Variants in PGBD5 observed in about 807,000 individuals in gnomAD.
PGBD5 encodes piggyBac transposable element-derived protein 5.
A neutral mutation model predicts 47.9 loss-of-function variants in PGBD5; 14 were observed. The ratio of observed to expected loss-of-function variants is 0.29; its 90% CI spans 0.19 to 0.46. The LOEUF is 0.46. Ranked by LOEUF, PGBD5 falls within the 20% of genes least tolerant of loss-of-function variation. PGBD5 has a pLI of 1.00. For missense variants in PGBD5, 635 were observed against 716.0 expected (o/e 0.89, Z 1.29); for synonymous variants, 316 against 306.3 (o/e 1.03, Z -0.33).
chr1:230,412,321 A>T (rs1022774628), intron 1 of PGBD5, among the ~76,000 whole-genome samples: 3 of 152,160 alleles, frequency 2.0e-5, no homozygotes, highest in Admixed American at 2.0e-4. Flanking sequence ...GAGTGATATT[A>T]AGAAAATCAT....
At chr1:230,391,735 C>T (rs1571854451) in intron 1 of PGBD5, among the ~76,000 whole-genome samples, 1 of 152,300 alleles carries the variant, frequency 6.6e-6, no homozygotes, top group African/African-American at 2.4e-5. Context: ...TATGCTATTT[C>T]CAGAAAAATA....
chr1:230,393,446 G>A (rs1020273295), intron 1 of PGBD5, among the ~76,000 whole-genome samples: 1 of 152,098 alleles, frequency 6.6e-6, no homozygotes, highest in Non-Finnish European at 1.5e-5. Context: ...TTAAGGAGGT[G>A]ACTCACAGAT....
chr1:230,399,123 G>C (rs1260889868), intron 1 of PGBD5, among the ~76,000 whole-genome samples: 1 of 152,048 alleles, frequency 6.6e-6, no homozygotes, highest in Non-Finnish European at 1.5e-5. Flanking sequence ...ACAGGAGCCT[G>C]AGTTGGCAAA....
chr1:230,388,903 G>A (rs1289442201), intron 1 of PGBD5, among the ~76,000 whole-genome samples: 1 of 152,146 alleles, frequency 6.6e-6, no homozygotes, highest in African/African-American at 2.4e-5. Flanking sequence ...GGAAAGGAGG[G>A]GCCTCCTGGG....
Position 230,325,412 on chromosome 1 carries a change from A to T in PGBD5, c.1277T>A (p.Val426Asp). 1 of 1,611,652 alleles carries T rather than the reference A, an allele frequency of 6.2e-7. No homozygotes were observed. Among genetic ancestry groups the T allele is most frequent in the Non-Finnish European group, 8.5e-7 (1 of 1,178,648 alleles). ...CTCCCCACTCTTCCTTTTGATGATG[A>T]CTCCTGAAGGCGAGAGACAAGATAA... Reference protein sequence around the residue: ...TNAYSPVQQGVIIKRKSGEIP... With the variant: ...TNAYSPVQQGDIIKRKSGEIP... Residue 426 changes from valine (V) to aspartate (D), a missense_variant, in exon 6 of 7, where the codon GTC becomes GAC. Coordinates refer to ENST00000391860, the MANE Select transcript of PGBD5 (RefSeq NM_001258311.2).
rs917138071 is a variant in PGBD5, at chr1:230,332,967, G to A, written c.1150C>T (p.Pro384Ser). The change falls in exon 5 of 7, where the codon CCA becomes TCA. Residue 384 changes from proline to serine, a missense_variant. By Grantham distance (74) the Pro-to-Ser change is moderately conservative. Transcript: ENST00000391860. ...TGGCCCCGGGCCGGGGGTGTGGCTG[G>A]GTTGGTCAGCATGGACAGTGGGAGG... ...TGLPLSMLTN[P>S]ATPPARGQYQ... 1 of 1,614,062 alleles carries A rather than the reference G, an allele frequency of 6.2e-7. No individual in the cohort carries two copies. Among genetic ancestry groups the A allele is most frequent in the Non-Finnish European group, 8.5e-7 (1 of 1,179,932 alleles).
At chr1:230,415,687 A>T (rs1657497411) in intron 1 of PGBD5, among the ~76,000 whole-genome samples, 1 of 152,166 alleles carries the variant, frequency 6.6e-6, no homozygotes, top group South Asian at 2.1e-4. Flanking sequence ...CACTGTTCAG[A>T]AACCAGGCAG....
At position 230,415,667 on chromosome 1, in the gene PGBD5, G is replaced by C. The variant is rs911716; in HGVS notation, c.331+9931C>G. ...ATGACAGACCTCAGTGAGAACGTCT[G>C]CTTACGTTGCACTGTTCAGAAACCA... On this transcript the variant is annotated intron_variant, in intron 1 of 6. Transcript: ENST00000391860. Among the ~76,000 whole-genome samples the C allele has an allele frequency of 7.4e-3, 1,133 of 152,308 alleles. 15 individuals carry two copies. Among genetic ancestry groups the C allele is most frequent in the African/African-American group, 0.026 (1,079 of 41,572 alleles).
chr1:230,331,897 T>C (rs12116691), intron 5 of PGBD5, among the ~76,000 whole-genome samples: 59,851 of 151,370 alleles, frequency 0.4, 12,973 homozygotes, highest in Non-Finnish European at 0.47. Flanking sequence ...TGGGGTCCCT[T>C]GATCGCAATC....
chr1:230,404,838 T>C (rs1657261062), intron 1 of PGBD5, among the ~76,000 whole-genome samples: 2 of 149,662 alleles, frequency 1.3e-5, no homozygotes, highest in South Asian at 2.1e-4. Flanking sequence ...GGCAGGAAAA[T>C]TGCTTGAACC....
At chr1:230,343,135 C>T (rs760254563) in intron 3 of PGBD5, among the ~76,000 whole-genome samples, 1 of 152,186 alleles carries the variant, frequency 6.6e-6, no homozygotes, top group Non-Finnish European at 1.5e-5. Flanking sequence ...CATGACCATG[C>T]CCAGGAAGAG....
chr1:230,337,217 G>A lies in PGBD5; in HGVS notation c.966C>T (p.His322=), dbSNP rs1184334027. Residue 322 remains histidine (H), a synonymous_variant, in exon 4 of 7, where the codon CAC becomes CAT. Coordinates refer to ENST00000391860, the MANE Select transcript of PGBD5 (RefSeq NM_001258311.2). ...LDALKNKPQL[H]SMVARSLCRN... is the part of the protein sequence containing the mutation. ...GGCACAGGCTCCTGGCCACCATGCT[G>A]TGGAGCTGGGGCTTATTCTTCAGCG... 11 of 1,614,186 alleles carry A rather than the reference G, an allele frequency of 6.8e-6. No individual in the cohort carries two copies. Among genetic ancestry groups the A allele is most frequent in the Non-Finnish European group, 9.3e-6 (11 of 1,180,042 alleles).
intron 1 of PGBD5, among the ~76,000 whole-genome samples, chr1:230,409,829 T>C (rs1657376754): frequency 6.6e-6 from 1 of 151,216 alleles, no homozygotes; most frequent in African/African-American, 2.4e-5. Context: ...AGAACTTCCA[T>C]ATTATCAAGT....
chr1:230,328,231 G>C (rs1280701083), intron 5 of PGBD5, among the ~76,000 whole-genome samples: 1 of 152,104 alleles, frequency 6.6e-6, no homozygotes, highest in Admixed American at 6.5e-5. Flanking sequence ...ACCTCACCAC[G>C]GGACATGGGA....
Position 230,323,291 on chromosome 1 carries a change from C to A in PGBD5, c.*134G>T. 1.0e-6 allele frequency: 1 copy of A among 996,186 alleles called. No individual in the cohort carries two copies. 61.7% of individuals were successfully genotyped at this position (996,186 alleles called of 1,614,324 possible). ...TCTGACCAGGTCCATCCTGTCCCTC[C>A]AGAGGCCCTGTGCATCCCTCCCAGG... On this transcript the variant is annotated 3_prime_UTR_variant, in exon 7 of 7. Coordinates refer to ENST00000391860, the MANE Select transcript of PGBD5 (RefSeq NM_001258311.2). This position sits in a 1 kb window ranked among gnomAD's most constrained non-coding sequence, Gnocchi z 4.1.
rs913708929 is a variant in PGBD5, at chr1:230,388,031, T to C, written c.332-30710A>G. Among the ~76,000 whole-genome samples the C allele has an allele frequency of 2.6e-5, 4 of 152,116 alleles. No individual in the cohort carries two copies. In the South Asian group the frequency reaches 6.2e-4, roughly 24 times the overall value. ...TCCCCCAGTGATGGACGTAACTCAG[T>C]GTGAAGCTCTCTCTACTGCTCCCAG... On this transcript the variant is annotated intron_variant, in intron 1 of 6. Transcript: ENST00000391860.
chr1:230,366,562 C>G (rs1366681126), intron 1 of PGBD5, among the ~76,000 whole-genome samples: 1 of 152,184 alleles, frequency 6.6e-6, no homozygotes, highest in East Asian at 1.9e-4. Flanking sequence ...TAGTTGCTGT[C>G]CAGCAAAGCT....
At chr1:230,369,875 TGAGA>T (rs201074085) in intron 1 of PGBD5, among the ~76,000 whole-genome samples, 3,177 of 151,762 alleles carry the variant, frequency 0.021, 96 homozygotes, top group African/African-American at 0.07. Flanking sequence ...CACGCCAGGA[TGAGA>T]GAGAGAAAGA....
intron 1 of PGBD5, among the ~76,000 whole-genome samples, chr1:230,385,844 C>T (rs1656624651): frequency 6.6e-6 from 1 of 152,120 alleles, no homozygotes; most frequent in African/African-American, 2.4e-5. Flanking sequence ...CCTGGCTACT[C>T]TAAGAGTGTT....
Sources: gnomAD v4.1 joint callset for allele counts (sites outside exome capture counted in the v4.1 genomes callset) on GRCh38, gnomAD v4.1.1 for gene constraint, Gnocchi (gnomAD v3.1) non-coding constraint, MANE v1.5 for transcripts, NCBI Gene and HGNC (gene_info 2026-07-23, HGNC 2026-07-21) for gene names.